Variants in RTRAF observed in about 807,000 individuals in gnomAD.
RTRAF encodes the protein RNA transcription, translation and transport factor, also known as tRNA-splicing ligase complex subunit RTRAF.
In RTRAF, 14 loss-of-function variants were observed where a neutral mutation model predicts 34.4. The ratio of observed to expected loss-of-function variants is 0.41; its 90% CI spans 0.27 to 0.64. RTRAF has a LOEUF of 0.64. RTRAF is among the 30% of genes least tolerant of loss of function. The pLI, the probability that RTRAF is intolerant of heterozygous loss-of-function variation, is 0.34. For synonymous variants in RTRAF, 96 were observed against 95.3 expected, an observed-to-expected ratio of 1.01 and a Z score of -0.04; for missense variants, 291 against 288.4, an observed-to-expected ratio of 1.01 and a Z score of -0.06.
intron 6 of RTRAF, among the ~76,000 whole-genome samples, chr14:52,003,309 C>T (rs1890637297): frequency 6.6e-6 from 1 of 152,110 alleles, no homozygotes; most frequent in Admixed American, 6.6e-5. Flanking sequence ...CATATAAAGC[C>T]ACTCAGTACA....
intron 4 of RTRAF, among the ~76,000 whole-genome samples, chr14:51,998,887 C>G (rs1003217076): frequency 2.6e-5 from 4 of 151,854 alleles, no homozygotes; most frequent in African/African-American, 9.7e-5. Flanking sequence ...TCCAATGACT[C>G]TATCAGACAA....
chr14:52,004,354 T>TA lies in RTRAF; in HGVS notation c.581-4dup, dbSNP rs756331548. On this transcript the variant is annotated splice_region_variant and splice_polypyrimidine_tract_variant and intron_variant, in intron 7 of 7. Coordinates refer to ENST00000261700, the MANE Select transcript of RTRAF (RefSeq NM_016039.3). Reference sequence around the variant, plus strand: ...GTATTGAAGCAGTGTTCTTTTCTCATAAAACAGATGCAGTTCTTAATGAAG... The same window carrying TA: ...GTATTGAAGCAGTGTTCTTTTCTCATAAAAACAGATGCAGTTCTTAATGAAG... The TA allele has an allele frequency of 1.2e-6, 2 of 1,612,778 alleles. No individual in the cohort carries two copies. Among genetic ancestry groups the TA allele is most frequent in the Non-Finnish European group, 1.7e-6 (2 of 1,179,486 alleles).
Position 52,007,762 on chromosome 14 carries a change from T to A in RTRAF, c.*3246T>A. ...GTAGTAAAATCTGTTAGTGCTCACA[T>A]TCACTGTGATGAGAGGTTATCTATT... On this transcript the variant is annotated 3_prime_UTR_variant, in exon 8 of 8. Coordinates refer to ENST00000261700, the MANE Select transcript of RTRAF (RefSeq NM_016039.3). The A allele has an allele frequency of 6.7e-7, 1 of 1,500,452 alleles. No homozygotes were observed. Among genetic ancestry groups the A allele is most frequent in the Non-Finnish European group, 9.2e-7 (1 of 1,085,966 alleles). 92.9% of individuals were successfully genotyped at this position (1,500,452 alleles called of 1,614,324 possible). A position where few individuals can be genotyped will look rare whatever the true frequency, so the allele number is the denominator to read the frequency against.
At position 51,999,703 on chromosome 14, in the gene RTRAF, T is replaced by G. The variant is rs1320913907; in HGVS notation, c.374-5T>G. 1.9e-6 allele frequency: 3 copies of G among 1,594,590 alleles called. No individual in the cohort carries two copies. The highest frequency in any genetic ancestry group is 1.7e-4 in the Middle Eastern group (1 of 6,032). On this transcript the variant is annotated splice_polypyrimidine_tract_variant and splice_region_variant and intron_variant, in intron 4 of 7. Transcript: ENST00000261700. ...AAGTTTTTGTTTGTTTTTAATCTTT[T>G]ATAGTAAATAATCCTGATTTTAAGG...
At chr14:51,998,759 C>A (rs895621857) in intron 4 of RTRAF, among the ~76,000 whole-genome samples, 179 bp downstream of exon 4, 8 of 151,750 alleles carry the variant, frequency 5.3e-5, no homozygotes, top group African/African-American at 1.2e-4. Flanking sequence ...TTTCTCCTTC[C>A]CCTTGCATTT....
At position 51,991,554 on chromosome 14, in the gene RTRAF, G is replaced by T; in HGVS notation, c.186+113G>T. 2.4e-6 allele frequency: 3 copies of T among 1,257,436 alleles called. No individual in the cohort carries two copies. In the South Asian group the frequency reaches 4.3e-5, roughly 18 times the overall value. 77.9% of individuals were successfully genotyped at this position (1,257,436 alleles called of 1,614,324 possible). A position where few individuals can be genotyped will look rare whatever the true frequency, so the allele number is the denominator to read the frequency against. On this transcript the variant is annotated intron_variant, in intron 2 of 7. Transcript: ENST00000261700. ...AAAAAAATGATAATGATCAGTGTTA[G>T]GAAAGCTGGATTTCAGGGATTTTGC...
intron 3 of RTRAF, among the ~76,000 whole-genome samples, chr14:51,994,499 CT>C (rs2140327703): frequency 6.6e-6 from 1 of 152,288 alleles, no homozygotes; most frequent in East Asian, 1.9e-4. Context: ...CCTACACTGA[CT>C]TTTTCTCATG....
chr14:52,000,360 T>C (rs1890581413), intron 5 of RTRAF, among the ~76,000 whole-genome samples: 1 of 152,166 alleles, frequency 6.6e-6, no homozygotes, highest in South Asian at 2.1e-4. Flanking sequence ...ACTTCAGGAA[T>C]CCCAGTAATC....
chr14:52,002,019 T>C (rs1890608790), intron 6 of RTRAF, 153 bp downstream of exon 6: 18 of 664,182 alleles, frequency 2.7e-5, no homozygotes, highest in Admixed American at 6.7e-5. Context: ...CTAAAGCAAA[T>C]TGAATGTATT....
intron 3 of RTRAF, among the ~76,000 whole-genome samples, chr14:51,995,810 TAA>T (rs566927231): frequency 2.3e-4 from 34 of 145,586 alleles, no homozygotes; most frequent in African/African-American, 8.2e-4. Flanking sequence ...CCATTTAATT[TAA>T]AAAAAAAAAA....
At chr14:51,993,031 A>G (rs1890457739) in intron 2 of RTRAF, among the ~76,000 whole-genome samples, 1 of 152,156 alleles carries the variant, frequency 6.6e-6, no homozygotes, top group African/African-American at 2.4e-5. Flanking sequence ...CTCTGTCTCA[A>G]AAAAAAGAAA....
Position 52,006,254 on chromosome 14 carries a change from T to C in RTRAF, c.*1738T>C, listed in dbSNP as rs879707041. 1 of 412,140 alleles carries C rather than the reference T, an allele frequency of 2.4e-6. No homozygotes were observed. The highest frequency in any genetic ancestry group is 4.5e-6 in the Non-Finnish European group (1 of 224,216). 25.5% of individuals were successfully genotyped at this position (412,140 alleles called of 1,614,324 possible). On this transcript the variant is annotated 3_prime_UTR_variant, in exon 8 of 8. Coordinates refer to ENST00000261700, the MANE Select transcript of RTRAF (RefSeq NM_016039.3). ...TTATTCTCTAAAGAACATATTTAGA[T>C]TAATATGCTCCCTTTTGAGACATTA...
intron 6 of RTRAF, 167 bp from the exon 7 acceptor site, chr14:52,004,027 T>A (rs1890659193): frequency 1.5e-6 from 1 of 647,724 alleles, no homozygotes; most frequent in African/African-American, 1.8e-5. Flanking sequence ...GAAAACTCGC[T>A]AATCACAATC....
At position 52,004,707 on chromosome 14, in the gene RTRAF, G is replaced by A. The variant is rs938556784; in HGVS notation, c.*191G>A. ...TTTAGGAAAGTAGAATTTTTATTAT[G>A]TACTGTATGTTTGCATAAATCACCT... On this transcript the variant is annotated 3_prime_UTR_variant, in exon 8 of 8. Transcript: ENST00000261700. The A allele has an allele frequency of 3.8e-6, 2 of 525,862 alleles. No homozygotes were observed. Among genetic ancestry groups the A allele is most frequent in the Admixed American group, 3.8e-5 (1 of 26,214 alleles). 32.6% of individuals were successfully genotyped at this position (525,862 alleles called of 1,614,324 possible).
At position 52,009,299 on chromosome 14, in the gene RTRAF, C is replaced by A. The variant is rs1890917920; in HGVS notation, c.*4783C>A. ...TCTCCTCCCCAAAATGATTTAATAT[C>A]ATCAACAACAATAAGTCTGAAACAA... On this transcript the variant is annotated 3_prime_UTR_variant, in exon 8 of 8. Transcript: ENST00000261700. 6.6e-6 allele frequency: 1 copy of A among 152,302 alleles called. No homozygotes were observed. Among genetic ancestry groups the A allele is most frequent in the African/African-American group, 2.4e-5 (1 of 41,560 alleles). 9.4% of individuals were successfully genotyped at this position (152,302 alleles called of 1,614,324 possible).
At position 52,002,023 on chromosome 14, in the gene RTRAF, A is replaced by G. The variant is rs1187939329; in HGVS notation, c.531+157A>G. ...TTCAGTGCTTCCTAAAGCAAATTGA[A>G]TGTATTCAGTGGCTAGGGGGTCATT... is the stretch of plus-strand genomic sequence containing the variant. On this transcript the variant is annotated intron_variant, in intron 6 of 7. Coordinates refer to ENST00000261700, the MANE Select transcript of RTRAF (RefSeq NM_016039.3). The G allele has an allele frequency of 7.6e-6, 5 of 658,008 alleles. 1 individual carries two copies. The highest frequency in any genetic ancestry group is 7.5e-5 in the African/African-American group (4 of 53,482). The allele number at this position is 658,008 out of a possible 1,614,324, so 40.8% of individuals were successfully genotyped here.
chr14:52,002,661 A>G (rs1158659767), intron 6 of RTRAF, among the ~76,000 whole-genome samples: 2 of 152,198 alleles, frequency 1.3e-5, no homozygotes, highest in Non-Finnish European at 2.9e-5. Flanking sequence ...CGGTGGAGAG[A>G]CTGTCCTCAG....
chr14:51,989,743 G>C (rs757730023), intron 1 of RTRAF, 43 bp downstream of exon 1: 4 of 1,563,416 alleles, frequency 2.6e-6, no homozygotes, highest in East Asian at 4.8e-5. Context: ...CCTGACCTGG[G>C]CGGAGGTCCC....
intron 5 of RTRAF, among the ~76,000 whole-genome samples, 193 bp from the exon 6 acceptor site, chr14:52,001,605 T>C (rs191575171): frequency 2.0e-5 from 3 of 152,300 alleles, no homozygotes. Context: ...TCAACATTAT[T>C]AAAATACTAG....
Sources: gnomAD v4.1 joint callset for allele counts (sites outside exome capture counted in the v4.1 genomes callset) on GRCh38, gnomAD v4.1.1 for gene constraint, MANE v1.5 for transcripts, NCBI Gene and HGNC (gene_info 2026-07-23, HGNC 2026-07-21) for gene names.